The following GABPB1 variants were observed in gnomAD, a reference collection of about 807,000 sequenced individuals.
GABPB1 encodes the protein GA binding protein transcription factor subunit beta 1, also known as GA-binding protein subunit beta-1.
A neutral mutation model predicts 45.9 loss-of-function variants in GABPB1; 15 were observed. The observed-to-expected ratio is 0.33, with a 90% CI of 0.22 to 0.50. The LOEUF (loss-of-function observed/expected upper bound fraction) is 0.50. Ranked by LOEUF, GABPB1 falls within the 20% of genes least tolerant of loss-of-function variation. GABPB1 has a pLI of 0.98. For missense variants in GABPB1, 252 were observed against 457.5 expected, an observed-to-expected ratio of 0.55 and a Z score of 4.10; for synonymous variants, 143 against 154.4, an observed-to-expected ratio of 0.93 and a Z score of 0.55.
chr15:50,291,145 A>G (rs2046329815), intron 6 of GABPB1, among the ~76,000 whole-genome samples: 1 of 152,234 alleles, frequency 6.6e-6, no homozygotes, highest in Non-Finnish European at 1.5e-5. Flanking sequence ...TGTACTGTCT[A>G]CCTTCCATTT....
chr15:50,282,583 G>A (rs1044916783), intron 8 of GABPB1, among the ~76,000 whole-genome samples: 2 of 82,414 alleles, frequency 2.4e-5, no homozygotes, highest in African/African-American at 4.0e-5. Context: ...AAACAGAGAC[G>A]GATGTGACTA....
At chr15:50,331,018 G>T (rs1319856690) in intron 1 of GABPB1, among the ~76,000 whole-genome samples, 1 of 152,166 alleles carries the variant, frequency 6.6e-6, no homozygotes, top group African/African-American at 2.4e-5. Flanking sequence ...CAACTGAGTA[G>T]AAACAGGAAT....
chr15:50,310,975 CAAA>C (rs34615409), intron 1 of GABPB1, among the ~76,000 whole-genome samples: 9 of 123,118 alleles, frequency 7.3e-5, no homozygotes, highest in Admixed American at 8.2e-5. Context: ...AACTCTGTCT[CAAA>C]AAAAAAAAAA....
intron 4 of GABPB1, 43 bp from the exon 5 acceptor site, chr15:50,301,411 A>G: frequency 6.5e-7 from 1 of 1,536,570 alleles, no homozygotes; most frequent in Non-Finnish European, 8.9e-7. Context: ...TTATAACCAG[A>G]ACATATAGCA....
At chr15:50,303,667 GA>G (rs1338169893) in intron 3 of GABPB1, among the ~76,000 whole-genome samples, 2 of 138,160 alleles carry the variant, frequency 1.4e-5, no homozygotes, top group African/African-American at 5.3e-5. Context: ...GGGTGACAGA[GA>G]TTCTGTCTCA....
At chr15:50,313,326 C>A (rs564895820) in intron 1 of GABPB1, among the ~76,000 whole-genome samples, 1 of 152,054 alleles carries the variant, frequency 6.6e-6, no homozygotes, top group Non-Finnish European at 1.5e-5. Context: ...TAAAGTAATT[C>A]CTGATGCAGC....
intron 2 of GABPB1, among the ~76,000 whole-genome samples, chr15:50,304,925 G>C (rs1236547301): frequency 3.9e-5 from 6 of 152,100 alleles, no homozygotes; most frequent in Non-Finnish European, 7.4e-5. Context: ...ACATCTCAGT[G>C]ATCTTTTTAA....
chr15:50,285,582 G>C (rs906593023), intron 8 of GABPB1, among the ~76,000 whole-genome samples: 1 of 152,122 alleles, frequency 6.6e-6, no homozygotes, highest in Non-Finnish European at 1.5e-5. Context: ...CCTATGAACA[G>C]CTAGTCTAAA....
At position 50,310,975 on chromosome 15, in the gene GABPB1, CAA is replaced by C. The variant is rs34615409; in HGVS notation, c.1-1179_1-1178del. Among the ~76,000 whole-genome samples the C allele has an allele frequency of 4.7e-3, 582 of 123,102 alleles. 5 individuals are homozygous for C. The highest frequency in any genetic ancestry group is 0.014 in the African/African-American group (461 of 34,108). 80.8% of individuals were successfully genotyped at this position (123,102 alleles called of 152,430 possible). A position where few individuals can be genotyped will look rare whatever the true frequency, so the allele number is the denominator to read the frequency against. On this transcript the variant is annotated intron_variant, in intron 1 of 8. Coordinates refer to ENST00000380877, the MANE Select transcript of GABPB1 (RefSeq NM_016654.5). ...CTGGGCAACAAAGTAAACTCTGTCTCAAAAAAAAAAAAAAAAACCAGGAAAGA... is the reference window on the plus strand; with the variant it reads ...CTGGGCAACAAAGTAAACTCTGTCTCAAAAAAAAAAAAAAACCAGGAAAGA...
In GABPB1 at chr15:50,278,582, T is replaced by C. The variant is rs151267053; in HGVS notation, c.*50A>G. 21 of 1,514,326 alleles carry C rather than the reference T, an allele frequency of 1.4e-5. No individual in the cohort carries two copies. Among genetic ancestry groups the C allele is most frequent in the Middle Eastern group, 1.7e-4 (1 of 5,720 alleles). The allele number at this position is 1,514,326 out of a possible 1,614,324, so 93.8% of individuals were successfully genotyped here. On this transcript the variant is annotated 3_prime_UTR_variant, in exon 9 of 9. Transcript: ENST00000380877. ...TACCTTTGTTGTGTACAGTTCAAGA[T>C]TGTATTCTTTCTTGACCAAAAGTAA... is the stretch of plus-strand genomic sequence containing the variant.
intron 1 of GABPB1, among the ~76,000 whole-genome samples, chr15:50,345,491 TG>T (rs2048532129): frequency 6.6e-6 from 1 of 152,070 alleles, no homozygotes; most frequent in Non-Finnish European, 1.5e-5. Flanking sequence ...CACCTGAGCC[TG>T]GGGAGGTCAA....
chr15:50,289,294 G>C (rs1394876858), intron 7 of GABPB1, among the ~76,000 whole-genome samples, 189 bp downstream of exon 7: 7 of 152,090 alleles, frequency 4.6e-5, no homozygotes, highest in South Asian at 4.1e-4. Context: ...ATAAAATTAG[G>C]TAATTAAGTC....
intron 1 of GABPB1, chr15:50,349,897 A>G (rs2048757637): frequency 1.3e-5 from 2 of 152,244 alleles, no homozygotes; most frequent in Admixed American, 1.3e-4. Flanking sequence ...AATCACCTGT[A>G]AAACTACACT....
intron 1 of GABPB1, among the ~76,000 whole-genome samples, chr15:50,340,872 C>T (rs979658753): frequency 1.4e-5 from 1 of 71,298 alleles, no homozygotes. Context: ...TGGTTTATTA[C>T]CATATGTAAT....
At chr15:50,324,712 T>A (rs919500050) in intron 1 of GABPB1, among the ~76,000 whole-genome samples, 25 of 151,782 alleles carry the variant, frequency 1.6e-4, no homozygotes, top group African/African-American at 5.8e-4. Flanking sequence ...GCCCAGCTAA[T>A]TTTTTTGTAT....
At chr15:50,354,572 T>A (rs1373330790) in intron 1 of GABPB1, 1 of 448,680 alleles carries the variant, frequency 2.2e-6, no homozygotes, top group African/African-American at 2.1e-5. Context: ...CCTTCCTCTT[T>A]CTCCCGCCCA....
chr15:50,340,834 A>G (rs1158716789), intron 1 of GABPB1, among the ~76,000 whole-genome samples: 1 of 143,698 alleles, frequency 7.0e-6, no homozygotes, highest in Non-Finnish European at 1.5e-5. Context: ...GTAGGAGTGC[A>G]ATATGTATAT....
At chr15:50,281,672 T>C (rs2045983440) in intron 8 of GABPB1, among the ~76,000 whole-genome samples, 1 of 152,232 alleles carries the variant, frequency 6.6e-6, no homozygotes, top group Non-Finnish European at 1.5e-5. Flanking sequence ...CATTTTCAAA[T>C]TGTCTATGGC....
chr15:50,322,713 A>G (rs1366704180), intron 1 of GABPB1, among the ~76,000 whole-genome samples: 1 of 152,294 alleles, frequency 6.6e-6, no homozygotes, highest in East Asian at 1.9e-4. Context: ...TAACTTTTAT[A>G]CTGATTACCT....
Sources: allele counts gnomAD v4.1 joint callset (sites outside exome capture counted in the v4.1 genomes callset), GRCh38; gene constraint gnomAD v4.1.1; transcripts MANE v1.5; gene names NCBI Gene and HGNC (gene_info 2026-07-23, HGNC 2026-07-21).